DNAJB14: variants seen among roughly 807,000 people sequenced by gnomAD.
DNAJB14 encodes dnaJ homolog subfamily B member 14.
DNAJB14 carries 22 observed loss-of-function variants against 48.4 expected under a neutral mutation model. That is an observed-to-expected ratio of 0.45 (90% CI 0.32 to 0.65). The LOEUF (loss-of-function observed/expected upper bound fraction) is 0.65, where lower values mean the gene tolerates loss of function less well. Ranked by LOEUF, DNAJB14 falls within the 30% of genes least tolerant of loss-of-function variation. The probability of loss-of-function intolerance (pLI) is 0.03; values close to 1 mark genes in which losing one functional copy is unlikely to be tolerated. For synonymous variants in DNAJB14, 142 were observed against 158.7 expected, an observed-to-expected ratio of 0.89 and a Z score of 0.79; for missense variants, 319 against 458.8, an observed-to-expected ratio of 0.70 and a Z score of 2.78.
chr4:99,922,580 A>G (rs1439215187), intron 3 of DNAJB14: 2 of 152,236 alleles, frequency 1.3e-5, no homozygotes, highest in East Asian at 1.9e-4. Context: ...CTAAAACTAC[A>G]TATATAAAAT....
At chr4:99,924,306 ATTTT>A (rs11343224) in intron 2 of DNAJB14, 5 of 138,502 alleles carry the variant, frequency 3.6e-5, no homozygotes, top group East Asian at 2.1e-4. Context: ...AAGAGACAAG[ATTTT>A]TTTTTTTTTT....
intron 1 of DNAJB14, among the ~76,000 whole-genome samples, chr4:99,942,850 T>C (rs748504634): frequency 6.6e-6 from 1 of 152,140 alleles, no homozygotes; most frequent in Non-Finnish European, 1.5e-5. Flanking sequence ...CTTTTGCCTC[T>C]CTTAGTTTAA....
chr4:99,908,321 T>C (rs572953063), intron 4 of DNAJB14, among the ~76,000 whole-genome samples: 3 of 152,146 alleles, frequency 2.0e-5, no homozygotes, highest in Non-Finnish European at 2.9e-5. Context: ...AACTATAATG[T>C]TATTGATAAA....
chr4:99,919,053 G>C (rs759712472), intron 3 of DNAJB14, among the ~76,000 whole-genome samples: 3 of 152,154 alleles, frequency 2.0e-5, no homozygotes, highest in Middle Eastern at 3.2e-3. Context: ...CAGCACAGAG[G>C]GGGTGGTAGT....
intron 3 of DNAJB14, among the ~76,000 whole-genome samples, chr4:99,922,234 C>T (rs1726087652): frequency 6.6e-6 from 1 of 152,150 alleles, no homozygotes; most frequent in Non-Finnish European, 1.5e-5. Context: ...TCATGAAGGA[C>T]CAATTGCTTC....
intron 5 of DNAJB14, chr4:99,906,237 C>T: frequency 7.6e-7 from 1 of 1,319,660 alleles, no homozygotes; most frequent in Non-Finnish European, 9.9e-7. Flanking sequence ...TTCTTCAGGG[C>T]CAACAATAAC....
chr4:99,926,022 T>G (rs1241511336), intron 2 of DNAJB14: 1 of 152,162 alleles, frequency 6.6e-6, no homozygotes, highest in Non-Finnish European at 1.5e-5. Context: ...TCTTTGCAAT[T>G]GCTTTTGGTG....
rs756352678 is a variant in DNAJB14 at position 99,906,547 on chromosome 4, A to G, written c.702T>C (p.Ser234=). The G allele has an allele frequency of 1.9e-6, 3 of 1,611,458 alleles. No homozygotes were observed. The highest frequency in any genetic ancestry group is 2.5e-6 in the Non-Finnish European group (3 of 1,179,604). Reference sequence around the variant, plus strand: ...CTCTTTCCTCTTCTCTTTCATGTCCACTATGTCGATGCTGATGTTGTTGGC... The same window carrying G: ...CTCTTTCCTCTTCTCTTTCATGTCCGCTATGTCGATGCTGATGTTGTTGGC... ...GYSQQHQHRH[S]GHEREEERGD... Residue 234 remains serine (S), a synonymous_variant, in exon 5 of 8, where the codon AGT becomes AGC. Transcript: ENST00000442697.
At chr4:99,905,773 TC>T in intron 5 of DNAJB14, 67 bp from the exon 6 acceptor site, 1 of 1,513,346 alleles carries the variant, frequency 6.6e-7, no homozygotes, top group South Asian at 1.1e-5. Context: ...ACAACAGTTG[TC>T]ATACATTTTG....
Position 99,930,298 on chromosome 4 carries a change from T to G in DNAJB14, c.305+152A>C, listed in dbSNP as rs555771030. ...AGAGTTGGTACTTTACAGACCAGTT[T>G]TATAAAGAATATGAAGCATAAGACA... On this transcript the variant is annotated intron_variant, in intron 2 of 7. Transcript: ENST00000442697. 41 of 650,584 alleles carry G rather than the reference T, an allele frequency of 6.3e-5. No individual in the cohort carries two copies. In the South Asian group the frequency reaches 1.4e-3, roughly 23 times the overall value. The allele number at this position is 650,584 out of a possible 1,614,324, so 40.3% of individuals were successfully genotyped here.
Position 99,901,113 on chromosome 4 carries a change from T to C in DNAJB14, c.1055A>G (p.Asp352Gly), listed in dbSNP as rs749659915. Reference protein sequence around the residue: ...MQYAAKVYRDDRLRRKADALS... With the variant: ...MQYAAKVYRDGRLRRKADALS... Reference sequence around the variant, plus strand: ...GGCATCTGCCTTCCTTCGGAGTCGATCATCACGGTATACTTTTGCTGCATA... The same window carrying C: ...GGCATCTGCCTTCCTTCGGAGTCGACCATCACGGTATACTTTTGCTGCATA... Residue 352 changes from aspartate to glycine, a missense_variant, in exon 8 of 8, where the codon GAT becomes GGT. Transcript: ENST00000442697. 2 of 1,610,848 alleles carry C rather than the reference T, an allele frequency of 1.2e-6. No individual in the cohort carries two copies. Among genetic ancestry groups the C allele is most frequent in the Admixed American group, 1.7e-5 (1 of 59,882 alleles).
At chr4:99,924,041 A>G (rs540781892) in intron 2 of DNAJB14, among the ~76,000 whole-genome samples, 8 of 152,332 alleles carry the variant, frequency 5.3e-5, no homozygotes, top group African/African-American at 1.9e-4. Flanking sequence ...TATTAGGATT[A>G]GAAAATAAAT....
At chr4:99,914,453 T>C (rs1227487345) in intron 3 of DNAJB14, among the ~76,000 whole-genome samples, 1 of 151,874 alleles carries the variant, frequency 6.6e-6, no homozygotes, top group Non-Finnish European at 1.5e-5. Context: ...ATGAGAACCC[T>C]TGGACGCAGG....
chr4:99,932,264 C>CA (rs201104364), intron 1 of DNAJB14, among the ~76,000 whole-genome samples: 136 of 151,008 alleles, frequency 9.0e-4, no homozygotes, highest in East Asian at 6.2e-3. Flanking sequence ...ACCTGATTTT[C>CA]AAAAAAAAGT....
intron 1 of DNAJB14, among the ~76,000 whole-genome samples, chr4:99,931,733 C>CAT (rs70958338): frequency 0.034 from 4,985 of 146,006 alleles, 139 homozygotes; most frequent in African/African-American, 0.075. Context: ...GAATTATTAC[C>CAT]ATATATATAT....
chr4:99,932,255 C>A (rs546944911), intron 1 of DNAJB14, among the ~76,000 whole-genome samples: 1 of 151,720 alleles, frequency 6.6e-6, no homozygotes, highest in African/African-American at 2.4e-5. Context: ...AAATAACATA[C>A]CTGATTTTCA....
intron 3 of DNAJB14, among the ~76,000 whole-genome samples, chr4:99,919,345 G>T (rs1370219906): frequency 6.6e-6 from 1 of 152,142 alleles, no homozygotes; most frequent in Admixed American, 6.5e-5. Flanking sequence ...AGCACTTTGG[G>T]AGGCTGAGGT....
chr4:99,942,017 A>G (rs1726906328), intron 1 of DNAJB14: 1 of 152,130 alleles, frequency 6.6e-6, no homozygotes, highest in Non-Finnish European at 1.5e-5. Context: ...ATAATACTCC[A>G]GATGTATAAT....
chr4:99,930,671 C>T (rs1212970751), intron 1 of DNAJB14, 50 bp from the exon 2 acceptor site: 5 of 1,519,408 alleles, frequency 3.3e-6, no homozygotes. Flanking sequence ...CGTACATACA[C>T]AAGATCCTGA....
Sources: gnomAD v4.1 joint callset for allele counts (sites outside exome capture counted in the v4.1 genomes callset) on GRCh38, gnomAD v4.1.1 for gene constraint, MANE v1.5 for transcripts, NCBI Gene and HGNC (gene_info 2026-07-23, HGNC 2026-07-21) for gene names.